TTC28: variants seen among roughly 807,000 people sequenced by gnomAD.
The protein encoded by TTC28 is tetratricopeptide repeat domain 28, also known as tetratricopeptide repeat protein 28.
In TTC28, 61 loss-of-function variants were observed where a neutral mutation model predicts 198.0. The observed-to-expected ratio is 0.31, with a 90% CI of 0.25 to 0.38. TTC28 has a LOEUF of 0.38. Ranked by LOEUF, TTC28 falls within the 10% of genes least tolerant of loss-of-function variation. The pLI is 1.00. For synonymous variants in TTC28, 1,171 were observed against 1,297.8 expected (o/e 0.90, Z 2.10); for missense variants, 2,678 against 3,164.0 (o/e 0.85, Z 3.69).
At chr22:27,990,028 T>C in intron 20 of TTC28, 21 bp from the exon 21 acceptor site, 1 of 1,545,362 alleles carries the variant, frequency 6.5e-7, no homozygotes, top group Non-Finnish European at 8.8e-7. Context: ...GGGGACAGCG[T>C]GAGCACCCTG....
intron 5 of TTC28, among the ~76,000 whole-genome samples, chr22:28,197,734 T>G (rs1250335884): frequency 1.3e-5 from 2 of 151,844 alleles, no homozygotes; most frequent in African/African-American, 4.8e-5. Flanking sequence ...TCACTAACAG[T>G]GTGGGTGTGC....
intron 3 of TTC28, among the ~76,000 whole-genome samples, chr22:28,303,586 G>C (rs928968408): frequency 6.6e-6 from 1 of 152,092 alleles, no homozygotes; most frequent in Non-Finnish European, 1.5e-5. Flanking sequence ...GTATTTATAT[G>C]GGAGAAAGGG....
intron 5 of TTC28, among the ~76,000 whole-genome samples, chr22:28,295,879 T>C (rs2044884570): frequency 6.6e-6 from 1 of 152,216 alleles, no homozygotes; most frequent in African/African-American, 2.4e-5. Flanking sequence ...TTAATGAGTA[T>C]GGCATAATGA....
intron 5 of TTC28, among the ~76,000 whole-genome samples, chr22:28,210,531 G>A (rs1265200076): frequency 6.6e-6 from 1 of 152,110 alleles, no homozygotes; most frequent in Admixed American, 6.5e-5. Flanking sequence ...GTGGAAGAAA[G>A]GGTATCAGTG....
At chr22:28,338,852 C>T (rs978291364) in intron 2 of TTC28, among the ~76,000 whole-genome samples, 3 of 152,140 alleles carry the variant, frequency 2.0e-5, no homozygotes, top group South Asian at 2.1e-4. Flanking sequence ...CATTGATCAT[C>T]GTAAGCCTTC....
intron 5 of TTC28, among the ~76,000 whole-genome samples, chr22:28,182,044 G>T (rs930582801): frequency 6.6e-6 from 1 of 151,872 alleles, no homozygotes; most frequent in East Asian, 1.9e-4. Context: ...TTAGAGAGTC[G>T]AGTTTGTTTG....
intron 6 of TTC28, among the ~76,000 whole-genome samples, chr22:28,116,435 G>GCTAGGCACAGTCATCT (rs1942632633): frequency 6.6e-6 from 1 of 152,200 alleles, no homozygotes; most frequent in Admixed American, 6.5e-5. Context: ...GGTAGGAAGT[G>GCTAGGCACAGTCATCT]CTAGGCACAG....
At chr22:28,238,738 T>C (rs572859748) in intron 5 of TTC28, among the ~76,000 whole-genome samples, 2 of 152,232 alleles carry the variant, frequency 1.3e-5, no homozygotes, top group African/African-American at 4.8e-5. Context: ...AACTCCCAGG[T>C]AGTTGTTCTT....
At chr22:28,342,848 A>T (rs565559290) in intron 2 of TTC28, among the ~76,000 whole-genome samples, 14 of 152,316 alleles carry the variant, frequency 9.2e-5, no homozygotes, top group African/African-American at 3.4e-4. Context: ...AATAAAGTAT[A>T]AAACATTTTC....
At chr22:28,106,361 T>C (rs1423330033) in intron 7 of TTC28, among the ~76,000 whole-genome samples, 1 of 152,198 alleles carries the variant, frequency 6.6e-6, no homozygotes, top group African/African-American at 2.4e-5. Context: ...AGTGTGTCTT[T>C]TTCTGCTGCT....
intron 1 of TTC28, among the ~76,000 whole-genome samples, chr22:28,632,768 T>TAAAA (rs113714992): frequency 7.0e-6 from 1 of 141,880 alleles, no homozygotes; most frequent in African/African-American, 2.6e-5. Context: ...TGTAAGTTAT[T>TAAAA]AAAAAAAAAA....
intron 13 of TTC28, among the ~76,000 whole-genome samples, chr22:28,021,093 C>T (rs1025780208): frequency 7.2e-5 from 11 of 152,168 alleles, no homozygotes; most frequent in Non-Finnish European, 1.3e-4. Context: ...GAAGCGTCTA[C>T]GTGGGGTCAG....
chr22:28,480,826 G>A (rs1284288397), intron 2 of TTC28, among the ~76,000 whole-genome samples: 1 of 152,232 alleles, frequency 6.6e-6, no homozygotes, highest in East Asian at 1.9e-4. Context: ...TGATAAAAGA[G>A]AAGGTAATTT....
chr22:28,321,975 G>A (rs965042278), intron 2 of TTC28, among the ~76,000 whole-genome samples: 7 of 152,044 alleles, frequency 4.6e-5, no homozygotes, highest in Non-Finnish European at 1.0e-4. Flanking sequence ...GGGACTACAG[G>A]TGCCCACCAC....
At chr22:28,544,228 A>G (rs2049488050) in intron 2 of TTC28, among the ~76,000 whole-genome samples, 1 of 152,192 alleles carries the variant, frequency 6.6e-6, no homozygotes, top group Admixed American at 6.5e-5. Context: ...AAAAAAACAA[A>G]AACAAAAACA....
chr22:28,241,907 C>A (rs1929685107), intron 5 of TTC28, among the ~76,000 whole-genome samples: 1 of 151,988 alleles, frequency 6.6e-6, no homozygotes, highest in Non-Finnish European at 1.5e-5. Context: ...TAAAAAATAT[C>A]AGGCTTTTTT....
At chr22:28,187,874 C>T (rs1460419506) in intron 5 of TTC28, among the ~76,000 whole-genome samples, 2 of 152,162 alleles carry the variant, frequency 1.3e-5, no homozygotes, top group African/African-American at 2.4e-5. Flanking sequence ...ATACCAGCTG[C>T]GTTCAAAGGC....
intron 5 of TTC28, among the ~76,000 whole-genome samples, chr22:28,258,672 G>C (rs758244018): frequency 7.9e-5 from 12 of 152,052 alleles, no homozygotes; most frequent in Non-Finnish European, 1.3e-4. Context: ...TTACAGAAGA[G>C]GGAATTCAAA....
intron 2 of TTC28, among the ~76,000 whole-genome samples, chr22:28,443,401 T>A (rs1013043638): frequency 3.0e-4 from 46 of 152,204 alleles, no homozygotes; most frequent in Non-Finnish European, 6.3e-4. Context: ...TGGGTGTATT[T>A]CTCGTTTGTA....
Sources: allele counts gnomAD v4.1 joint callset (sites outside exome capture counted in the v4.1 genomes callset), GRCh38; gene constraint gnomAD v4.1.1; transcripts MANE v1.5; gene names NCBI Gene and HGNC (gene_info 2026-07-23, HGNC 2026-07-21).